KIAA0319: variants seen among roughly 807,000 people sequenced by gnomAD.
KIAA0319 encodes dyslexia-associated protein KIAA0319.
In KIAA0319, 83 loss-of-function variants were observed where a neutral mutation model predicts 108.4. The observed-to-expected ratio is 0.77, with a 90% CI of 0.64 to 0.92. The LOEUF is 0.92. Among genes scored for constraint, KIAA0319 ranks in the 40% least tolerant of loss-of-function variants. The pLI is 0.00. For missense variants in KIAA0319, 1,195 were observed against 1,322.4 expected, an observed-to-expected ratio of 0.90 and a Z score of 1.49; for synonymous variants, 484 against 510.4, an observed-to-expected ratio of 0.95 and a Z score of 0.70.
chr6:24,554,452 G>A (rs1762010407), intron 19 of KIAA0319, 89 bp downstream of exon 19: 1 of 919,888 alleles, frequency 1.1e-6, no homozygotes, highest in African/African-American at 1.7e-5. Context: ...CAGCTTAGTG[G>A]TTTAACAAGT....
At chr6:24,558,661 T>C (rs1210679733) in intron 17 of KIAA0319, among the ~76,000 whole-genome samples, 2 of 152,222 alleles carry the variant, frequency 1.3e-5, no homozygotes, top group East Asian at 1.9e-4. Flanking sequence ...TACATGACAT[T>C]ATCATCACAA....
rs1770578821 is a variant in KIAA0319 at position 24,601,211 on chromosome 6, T to G, written c.-105-3A>C. On this transcript the variant is annotated splice_polypyrimidine_tract_variant and splice_region_variant and intron_variant, in intron 1 of 20. Transcript: ENST00000378214. Reference sequence around the variant, plus strand: ...GGAGCCAGATTTGGCCTCAAGAACTTCAAAGGAAAAACATAAAAGAGGAAG... The same window carrying G: ...GGAGCCAGATTTGGCCTCAAGAACTGCAAAGGAAAAACATAAAAGAGGAAG... 1 of 1,547,034 alleles carries G rather than the reference T, an allele frequency of 6.5e-7. No homozygotes were observed. Among genetic ancestry groups the G allele is most frequent in the Non-Finnish European group, 8.7e-7 (1 of 1,148,030 alleles).
intron 1 of KIAA0319, among the ~76,000 whole-genome samples, chr6:24,629,608 G>A (rs1200214180): frequency 6.7e-6 from 1 of 150,212 alleles, no homozygotes; most frequent in African/African-American, 2.4e-5. Context: ...GGTGTGGAAT[G>A]GTAAGGCTTT....
At chr6:24,630,669 T>G (rs920551318) in intron 1 of KIAA0319, among the ~76,000 whole-genome samples, 1 of 138,944 alleles carries the variant, frequency 7.2e-6, no homozygotes, top group African/African-American at 2.9e-5. Flanking sequence ...ATTTATTCAA[T>G]TGTGTGTATA....
chr6:24,640,130 T>C (rs1776733285), intron 1 of KIAA0319, among the ~76,000 whole-genome samples: 1 of 152,168 alleles, frequency 6.6e-6, no homozygotes, highest in East Asian at 1.9e-4. Flanking sequence ...TTTTGGTACA[T>C]GCATACAATG....
intron 1 of KIAA0319, among the ~76,000 whole-genome samples, chr6:24,601,996 G>T (rs1582169148): frequency 6.6e-6 from 1 of 151,888 alleles, no homozygotes; most frequent in East Asian, 1.9e-4. Flanking sequence ...AAATAATGAT[G>T]GAATAAATCA....
intron 1 of KIAA0319, among the ~76,000 whole-genome samples, chr6:24,625,689 C>T (rs1041028524): frequency 6.6e-6 from 1 of 152,094 alleles, no homozygotes; most frequent in Admixed American, 6.6e-5. Context: ...AAGGAGTCCA[C>T]AAAAATATGA....
At chr6:24,612,033 G>A (rs1380411522) in intron 1 of KIAA0319, among the ~76,000 whole-genome samples, 6 of 136,840 alleles carry the variant, frequency 4.4e-5, no homozygotes, top group Non-Finnish European at 9.2e-5. Flanking sequence ...GGGTGATAGA[G>A]TGAGACTTTG....
In KIAA0319 at chr6:24,547,355, C is replaced by T. The variant is rs1197024859; in HGVS notation, c.3041-12G>A. On this transcript the variant is annotated splice_polypyrimidine_tract_variant and intron_variant, in intron 20 of 20. Coordinates refer to ENST00000378214, the MANE Select transcript of KIAA0319 (RefSeq NM_014809.4). ...TCGGTGCTTGATACCTAGAGAGAAG[C>T]ACAGAAGCATCTGAGGAGGAACGCC... is the stretch of plus-strand genomic sequence containing the variant. 1 of 1,612,092 alleles carries T rather than the reference C, an allele frequency of 6.2e-7. No individual in the cohort carries two copies. The highest frequency in any genetic ancestry group is 1.7e-5 in the Admixed American group (1 of 59,892).
intron 6 of KIAA0319, among the ~76,000 whole-genome samples, chr6:24,581,317 C>T (rs1042915868): frequency 6.6e-6 from 1 of 152,130 alleles, no homozygotes. Context: ...GCATTTTTAC[C>T]ACCTAGCTCT....
intron 1 of KIAA0319, among the ~76,000 whole-genome samples, chr6:24,612,750 T>C (rs190828028): frequency 7.9e-4 from 121 of 152,280 alleles, no homozygotes; most frequent in African/African-American, 2.8e-3. Flanking sequence ...TCACAAAAAA[T>C]TTTTAACATC....
At chr6:24,598,068 C>T in intron 2 of KIAA0319, 2 of 399,348 alleles carry the variant, frequency 5.0e-6, no homozygotes, top group Non-Finnish European at 9.5e-6. Context: ...GCCCCTGGGC[C>T]TTCAGCAGCC....
chr6:24,569,713 C>T (rs1047174582), intron 12 of KIAA0319, among the ~76,000 whole-genome samples, 190 bp downstream of exon 12: 3 of 152,172 alleles, frequency 2.0e-5, no homozygotes, highest in South Asian at 4.1e-4. Context: ...TACCTCCCTC[C>T]GCTGTCAATG....
chr6:24,601,240 G>A (rs565526394), intron 1 of KIAA0319, 32 bp from the exon 2 acceptor site: 2 of 1,508,634 alleles, frequency 1.3e-6, no homozygotes, highest in African/African-American at 1.4e-5. Context: ...GAGGAAGGAA[G>A]AAAAGAATAG....
In KIAA0319 at chr6:24,551,536, C is replaced by G; in HGVS notation, c.2949-11G>C. 6.5e-7 allele frequency: 1 copy of G among 1,531,452 alleles called. No individual in the cohort carries two copies. Among genetic ancestry groups the G allele is most frequent in the Non-Finnish European group, 9.1e-7 (1 of 1,104,366 alleles). The allele number at this position is 1,531,452 out of a possible 1,614,324, so 94.9% of individuals were successfully genotyped here. A position where few individuals can be genotyped will look rare whatever the true frequency, so the allele number is the denominator to read the frequency against. On this transcript the variant is annotated splice_polypyrimidine_tract_variant and intron_variant, in intron 19 of 20. Coordinates refer to ENST00000378214, the MANE Select transcript of KIAA0319 (RefSeq NM_014809.4). ...TTAGTCCTTTTTTGTCTGAAAGGAACAATGAAAAGCTCAACTCAGATCTTT... is the reference window on the plus strand; with the variant it reads ...TTAGTCCTTTTTTGTCTGAAAGGAAGAATGAAAAGCTCAACTCAGATCTTT...
At chr6:24,621,416 G>C (rs938139131) in intron 1 of KIAA0319, among the ~76,000 whole-genome samples, 1 of 152,146 alleles carries the variant, frequency 6.6e-6, no homozygotes, top group African/African-American at 2.4e-5. Context: ...GGCAGATCAT[G>C]GAGACAAGAA....
intron 3 of KIAA0319, among the ~76,000 whole-genome samples, chr6:24,590,451 T>C (rs1223004933): frequency 1.3e-5 from 2 of 152,226 alleles, no homozygotes; most frequent in Non-Finnish European, 2.9e-5. Context: ...TCTGGGTTTG[T>C]GAAGTGAGTG....
chr6:24,601,308 T>C (rs1267490838), intron 1 of KIAA0319, 100 bp from the exon 2 acceptor site: 14 of 1,379,638 alleles, frequency 1.0e-5, no homozygotes, highest in Non-Finnish European at 8.4e-6. Context: ...GTGGGAAGCC[T>C]GTCCTGGTCA....
rs755119720 is a variant in KIAA0319 at position 24,563,370 on chromosome 6, G to C, written c.2580C>G (p.His860Gln). The C allele has an allele frequency of 1.2e-6, 2 of 1,612,778 alleles. No individual in the cohort carries two copies. The highest frequency in any genetic ancestry group is 1.3e-5 in the African/African-American group (1 of 74,940). The change falls in exon 16 of 21, where the codon CAC becomes CAG. Residue 860 changes from histidine to glutamine, a missense_variant. His to Gln is a conservative substitution (Grantham distance 24). Coordinates refer to ENST00000378214, the MANE Select transcript of KIAA0319 (RefSeq NM_014809.4). ...TGTGCAGCTCCTACCTGAGATCCGA[G>C]TGGGCCCGAATCTTCTGGACCTTAA... ...SDIKVQKIRA[H>Q]SDLSTVIVFY...
Sources: gnomAD v4.1 joint callset for allele counts (sites outside exome capture counted in the v4.1 genomes callset) on GRCh38, gnomAD v4.1.1 for gene constraint, MANE v1.5 for transcripts, NCBI Gene and HGNC (gene_info 2026-07-23, HGNC 2026-07-21) for gene names.